The following BOD1 variants were observed in gnomAD, a reference collection of about 807,000 sequenced individuals.
The protein encoded by BOD1 is biorientation of chromosomes in cell division 1, also known as biorientation of chromosomes in cell division protein 1.
In BOD1, 11 loss-of-function variants were observed where a neutral mutation model predicts 15.7. The ratio of observed to expected loss-of-function variants is 0.70; its 90% CI spans 0.44 to 1.16. BOD1 has a LOEUF of 1.16. Among genes scored for constraint, BOD1 ranks in the 50% most tolerant of loss-of-function variants. BOD1 has a pLI of 0.00. For synonymous variants in BOD1, 105 were observed against 103.5 expected, an observed-to-expected ratio of 1.01 and a Z score of -0.09; for missense variants, 182 against 244.5, an observed-to-expected ratio of 0.74 and a Z score of 1.70.
chr5:173,616,165 G>A, intron 1 of BOD1, 35 bp downstream of exon 1: 1 of 1,559,106 alleles, frequency 6.4e-7, no homozygotes, highest in Non-Finnish European at 8.7e-7. Context: ...CTCACGTGCA[G>A]CCCCGCTCCC....
Position 173,608,253 on chromosome 5 carries a change from C to A in BOD1, c.*41G>T. On this transcript the variant is annotated 3_prime_UTR_variant, in exon 4 of 4. Transcript: ENST00000311086. ...CACTCTTATGTAACCGAATCCATTTCTTCACCAAAAATTAGCTTTCAAAAG... is the reference window on the plus strand; with the variant it reads ...CACTCTTATGTAACCGAATCCATTTATTCACCAAAAATTAGCTTTCAAAAG... The A allele has an allele frequency of 1.2e-6, 2 of 1,611,804 alleles. No homozygotes were observed. Among genetic ancestry groups the A allele is most frequent in the Non-Finnish European group, 1.7e-6 (2 of 1,177,920 alleles).
rs1227035776 is a variant in BOD1, at chr5:173,607,973, T to C, written c.*321A>G. ...CCCACAGCACAAACCCTAAAGTCCA[T>C]GTGCAGTCTCCATGTTCAAGTATAA... On this transcript the variant is annotated 3_prime_UTR_variant, in exon 4 of 4. Coordinates refer to ENST00000311086, the MANE Select transcript of BOD1 (RefSeq NM_138369.3). 2 of 391,770 alleles carry C rather than the reference T, an allele frequency of 5.1e-6. No homozygotes were observed. The highest frequency in any genetic ancestry group is 9.3e-6 in the Non-Finnish European group (2 of 215,194). The allele number at this position is 391,770 out of a possible 1,614,324, so 24.3% of individuals were successfully genotyped here. A position where few individuals can be genotyped will look rare whatever the true frequency, so the allele number is the denominator to read the frequency against.
chr5:173,608,916 A>G (rs1313607087), intron 3 of BOD1, among the ~76,000 whole-genome samples: 1 of 152,222 alleles, frequency 6.6e-6, no homozygotes, highest in East Asian at 1.9e-4. Context: ...CATGTCCAGG[A>G]GAGACTCATT....
intron 2 of BOD1, among the ~76,000 whole-genome samples, chr5:173,610,860 T>C (rs1475568407): frequency 6.6e-6 from 1 of 152,136 alleles, no homozygotes; most frequent in Non-Finnish European, 1.5e-5. Context: ...GCGAATGCAA[T>C]TTATGCCCTT....
At chr5:173,609,593 C>T (rs1029856712) in intron 2 of BOD1, 159 bp from the exon 3 acceptor site, 16 of 655,986 alleles carry the variant, frequency 2.4e-5, no homozygotes, top group Non-Finnish European at 3.6e-5. Context: ...ACAGCTCACG[C>T]TATTTTCACT....
chr5:173,611,048 C>A (rs1321721673), intron 2 of BOD1, among the ~76,000 whole-genome samples: 1 of 152,192 alleles, frequency 6.6e-6, no homozygotes, highest in African/African-American at 2.4e-5. Context: ...TTACAAGCCA[C>A]CTAGTCTACG....
In BOD1 at chr5:173,609,115, G is replaced by A. The variant is rs1755278687; in HGVS notation, c.*1+123C>T. 1.3e-5 allele frequency: 14 copies of A among 1,077,148 alleles called. 1 individual carries two copies. The South Asian group carries it at 1.7e-4, about 13-fold the overall frequency. The allele number at this position is 1,077,148 out of a possible 1,614,324, so 66.7% of individuals were successfully genotyped here. ...TAAAAAGTGACTTATAACAGTAGGT[G>A]AAGTCCATCTGCAGTAAATACTTCC... On this transcript the variant is annotated intron_variant, in intron 3 of 3. Transcript: ENST00000311086.
intron 1 of BOD1, among the ~76,000 whole-genome samples, chr5:173,613,733 G>C (rs189398944): frequency 6.6e-6 from 1 of 152,340 alleles, no homozygotes; most frequent in East Asian, 1.9e-4. Context: ...GAACCAGCAG[G>C]CCTCAATTCC....
chr5:173,610,710 T>C (rs1402531902), intron 2 of BOD1, among the ~76,000 whole-genome samples: 2 of 152,222 alleles, frequency 1.3e-5, no homozygotes, highest in African/African-American at 4.8e-5. Context: ...ACAGGGTCCT[T>C]TACCAGATGT....
chr5:173,610,277 G>C (rs1464037354), intron 2 of BOD1, among the ~76,000 whole-genome samples: 2 of 152,190 alleles, frequency 1.3e-5, no homozygotes, highest in Non-Finnish European at 2.9e-5. Flanking sequence ...TTTTCCCGTA[G>C]ACTTGAGACT....
At chr5:173,614,949 G>A (rs1367560219) in intron 1 of BOD1, 2 of 152,204 alleles carry the variant, frequency 1.3e-5, no homozygotes, top group African/African-American at 2.4e-5. Flanking sequence ...GCAACAATTG[G>A]GTAAATGAAA....
At chr5:173,612,025 C>A (rs1755368143) in intron 2 of BOD1, among the ~76,000 whole-genome samples, 1 of 152,226 alleles carries the variant, frequency 6.6e-6, no homozygotes, top group South Asian at 2.1e-4. Context: ...CAGCTACTGT[C>A]CCCTTCTTTC....
chr5:173,609,088 A>T, intron 3 of BOD1, 150 bp downstream of exon 3: 1 of 840,386 alleles, frequency 1.2e-6, no homozygotes, highest in Non-Finnish European at 1.8e-6. Flanking sequence ...ATTAGTTCTC[A>T]GTAAAAAGTG....
In BOD1 at chr5:173,607,508, T is replaced by C. The variant is rs1028725138; in HGVS notation, c.*786A>G. On this transcript the variant is annotated 3_prime_UTR_variant, in exon 4 of 4. Coordinates refer to ENST00000311086, the MANE Select transcript of BOD1 (RefSeq NM_138369.3). ...ACAGACCTGAGGTTTAAGCTTCAGC[T>C]GAAGCTTCGGAGTAAAAGTATCAAA... 4 of 152,224 alleles carry C rather than the reference T, an allele frequency of 2.6e-5. No homozygotes were observed. Among genetic ancestry groups the C allele is most frequent in the Non-Finnish European group, 4.4e-5 (3 of 68,046 alleles). The allele number at this position is 152,224 out of a possible 1,614,324, so 9.4% of individuals were successfully genotyped here. A position where few individuals can be genotyped will look rare whatever the true frequency, so the allele number is the denominator to read the frequency against.
Position 173,608,284 on chromosome 5 carries a change from T to C in BOD1, c.*10A>G. 3 of 1,610,748 alleles carry C rather than the reference T, an allele frequency of 1.9e-6. No individual in the cohort carries two copies. Among genetic ancestry groups the C allele is most frequent in the Non-Finnish European group, 2.5e-6 (3 of 1,176,874 alleles). Reference sequence around the variant, plus strand: ...CAAAAATTAGCTTTCAAAAGGTGTCTGGCGTATTCTAAAAAGGAAAGATAA... The same window carrying C: ...CAAAAATTAGCTTTCAAAAGGTGTCCGGCGTATTCTAAAAAGGAAAGATAA... On this transcript the variant is annotated 3_prime_UTR_variant, in exon 4 of 4. Transcript: ENST00000311086.
At chr5:173,610,830 G>C (rs945579483) in intron 2 of BOD1, among the ~76,000 whole-genome samples, 1 of 152,206 alleles carries the variant, frequency 6.6e-6, no homozygotes, top group Non-Finnish European at 1.5e-5. Context: ...AGGCGATCGG[G>C]TCATGGGGGC....
chr5:173,611,084 G>A (rs1450471994), intron 2 of BOD1, among the ~76,000 whole-genome samples: 1 of 152,160 alleles, frequency 6.6e-6, no homozygotes, highest in African/African-American at 2.4e-5. Flanking sequence ...ATCCCCAACT[G>A]ACCAAAACCC....
intron 3 of BOD1, 129 bp downstream of exon 3, chr5:173,609,109 G>T: frequency 9.8e-7 from 1 of 1,018,462 alleles, no homozygotes; most frequent in Non-Finnish European, 1.4e-6. Flanking sequence ...ACTTATAACA[G>T]TAGGTGAAGT....
Position 173,616,554 on chromosome 5 carries a change from C to CGGCGGAGGT in BOD1, c.-127_-119dup. 1 of 1,387,840 alleles carries CGGCGGAGGT rather than the reference C, an allele frequency of 7.2e-7. No individual in the cohort carries two copies. The highest frequency in any genetic ancestry group is 1.6e-5 in the South Asian group (1 of 64,260). 86.0% of individuals were successfully genotyped at this position (1,387,840 alleles called of 1,614,324 possible). A position where few individuals can be genotyped will look rare whatever the true frequency, so the allele number is the denominator to read the frequency against. ...AAGGAGGAGGGCCCCAAGGCGGCAG[C>CGGCGGAGGT]GGCGGAGGTGGCGATGGCGGCAGGG... On this transcript the variant is annotated 5_prime_UTR_variant, in exon 1 of 4. Coordinates refer to ENST00000311086, the MANE Select transcript of BOD1 (RefSeq NM_138369.3).
Sources: allele counts gnomAD v4.1 joint callset (sites outside exome capture counted in the v4.1 genomes callset), GRCh38; gene constraint gnomAD v4.1.1; transcripts MANE v1.5; gene names NCBI Gene and HGNC (gene_info 2026-07-23, HGNC 2026-07-21).